The following PKHD1L1 variants were observed in gnomAD, a reference collection of about 807,000 sequenced individuals.
PKHD1L1 encodes PKHD1 like 1, also known as fibrocystin-L.
PKHD1L1 carries 434 observed loss-of-function variants against 462.9 expected under a neutral mutation model. The observed-to-expected ratio is 0.94, with a 90% CI of 0.87 to 1.02. The LOEUF (loss-of-function observed/expected upper bound fraction) is 1.02, where lower values mean the gene tolerates loss of function less well. PKHD1L1 is among the 50% of genes least tolerant of loss of function. The pLI is 0.00. For missense variants in PKHD1L1, 5,202 were observed against 5,096.1 expected, an observed-to-expected ratio of 1.02 and a Z score of -0.63; for synonymous variants, 1,781 against 1,750.0, an observed-to-expected ratio of 1.02 and a Z score of -0.44.
chr8:109,485,957 T>C (rs1818503634), intron 58 of PKHD1L1, among the ~76,000 whole-genome samples: 1 of 152,030 alleles, frequency 6.6e-6, no homozygotes, highest in Non-Finnish European at 1.5e-5. Flanking sequence ...GTAAAACAGT[T>C]GGTTTTTGAA....
chr8:109,445,538 G>T lies in PKHD1L1; in HGVS notation c.5669G>T (p.Gly1890Val). ...TGCCGCACTCCCGCTGGGACCACTGGAATGGTCGATGTTAAAATCTTTGTT... is the reference window on the plus strand; with the variant it reads ...TGCCGCACTCCCGCTGGGACCACTGTAATGGTCGATGTTAAAATCTTTGTT... ...VYCRTPAGTT[G>V]MVDVKIFVNT... Residue 1890 changes from glycine (G) to valine (V), a missense_variant, in exon 38 of 78, where the codon GGA (glycine) becomes GTA (valine). Around this residue, in one of 3 missense-constraint regions of PKHD1L1, gnomAD observed 4,497 missense variants for 4,336.8 expected, o/e 1.04. Transcript: ENST00000378402. 1 of 1,613,254 alleles carries T rather than the reference G, an allele frequency of 6.2e-7. No individual in the cohort carries two copies. Among genetic ancestry groups the T allele is most frequent in the Non-Finnish European group, 8.5e-7 (1 of 1,179,574 alleles).
At position 109,534,663 on chromosome 8, in the gene PKHD1L1, C is replaced by G. The variant is rs1296145077; in HGVS notation, c.*4573C>G. On this transcript the variant is annotated 3_prime_UTR_variant, in exon 78 of 78. Coordinates refer to ENST00000378402, the MANE Select transcript of PKHD1L1 (RefSeq NM_177531.6). ...TTAAGATTTATTCCCCCAATTTCCC[C>G]TCCCCAGAGAGTAGCTACAGACACA... Among the ~76,000 whole-genome samples the G allele has an allele frequency of 1.3e-5, 2 of 152,148 alleles. No individual in the cohort carries two copies. Among genetic ancestry groups the G allele is most frequent in the Non-Finnish European group, 2.9e-5 (2 of 68,024 alleles).
rs1816611277 is a variant in PKHD1L1 at position 109,452,806 on chromosome 8, T to C, written c.6596T>C (p.Val2199Ala). ...CCCCCAGAAGAAGGATCTCTTGTTG[T>C]TATTACAAAAGGACAGACCATTCTG... ...KSPPEEGSLV[V>A]ITKGQTILLD... The change falls in exon 43 of 78, where the codon GTT becomes GCT. Residue 2199 changes from valine to alanine, a missense_variant. Coordinates refer to ENST00000378402, the MANE Select transcript of PKHD1L1 (RefSeq NM_177531.6). 1 of 1,537,376 alleles carries C rather than the reference T, an allele frequency of 6.5e-7. No homozygotes were observed. Among genetic ancestry groups the C allele is most frequent in the East Asian group, 2.4e-5 (1 of 40,894 alleles).
chr8:109,426,598 C>T (rs1242133697), intron 24 of PKHD1L1, among the ~76,000 whole-genome samples: 2 of 152,056 alleles, frequency 1.3e-5, no homozygotes, highest in South Asian at 2.1e-4. Flanking sequence ...AGTGATAATA[C>T]ATAGTACACA....
intron 50 of PKHD1L1, among the ~76,000 whole-genome samples, chr8:109,472,600 A>G (rs970860886): frequency 6.6e-6 from 1 of 152,306 alleles, no homozygotes; most frequent in Admixed American, 6.5e-5. Flanking sequence ...TCAACGCAGG[A>G]CATTGCAAAT....
At chr8:109,396,760 TC>T (rs1222017714) in intron 11 of PKHD1L1, among the ~76,000 whole-genome samples, 2 of 152,176 alleles carry the variant, frequency 1.3e-5, no homozygotes, top group African/African-American at 4.8e-5. Flanking sequence ...GTGGGAATCT[TC>T]CCATTCAGCC....
At chr8:109,452,400 A>G in intron 42 of PKHD1L1, 120 bp downstream of exon 42, 1 of 951,560 alleles carries the variant, frequency 1.1e-6, no homozygotes, top group Non-Finnish European at 1.4e-6. Flanking sequence ...AGCTGTGACC[A>G]TAATAAATCT....
intron 2 of PKHD1L1, among the ~76,000 whole-genome samples, chr8:109,378,913 T>C (rs111460872): frequency 2.4e-4 from 36 of 152,290 alleles, no homozygotes; most frequent in African/African-American, 8.4e-4. Flanking sequence ...GTGTCTCAAC[T>C]TAACTTCCGC....
chr8:109,493,768 A>C lies in PKHD1L1; in HGVS notation c.10327+17A>C, dbSNP rs781636781. The C allele has an allele frequency of 1.3e-6, 2 of 1,526,292 alleles. No homozygotes were observed. The highest frequency in any genetic ancestry group is 3.9e-5 in the Admixed American group (2 of 51,036). 94.5% of individuals were successfully genotyped at this position (1,526,292 alleles called of 1,614,324 possible). Reference sequence around the variant, plus strand: ...CTTGCCCAGGTAAGTCTTTTAAACCAGGAATCGCTAAAACTAGGAAATAAC... The same window carrying C: ...CTTGCCCAGGTAAGTCTTTTAAACCCGGAATCGCTAAAACTAGGAAATAAC... On this transcript the variant is annotated intron_variant, in intron 63 of 77. Transcript: ENST00000378402.
intron 3 of PKHD1L1, among the ~76,000 whole-genome samples, chr8:109,381,931 C>T (rs987227213): frequency 1.3e-5 from 2 of 151,856 alleles, no homozygotes; most frequent in Non-Finnish European, 2.9e-5. Flanking sequence ...TACTATCAGC[C>T]CAAATTCATG....
At chr8:109,489,455 T>C (rs1221120431) in intron 59 of PKHD1L1, among the ~76,000 whole-genome samples, 1 of 152,018 alleles carries the variant, frequency 6.6e-6, no homozygotes, top group Non-Finnish European at 1.5e-5. Context: ...ATGGTACTTA[T>C]GATAAGCTGA....
chr8:109,366,560 T>A (rs779782815), intron 2 of PKHD1L1, among the ~76,000 whole-genome samples: 2 of 152,204 alleles, frequency 1.3e-5, no homozygotes, highest in East Asian at 3.8e-4. Context: ...CAAGACTGCA[T>A]TGTATACCTA....
rs963931766 is a variant in PKHD1L1, at chr8:109,532,631, T to C, written c.*2541T>C. Among the ~76,000 whole-genome samples, 1 of 152,236 alleles carries C rather than the reference T, an allele frequency of 6.6e-6. No individual in the cohort carries two copies. The highest frequency in any genetic ancestry group is 1.5e-5 in the Non-Finnish European group (1 of 68,036). ...ACCTGAAATGTTGGCGAAGTAAATATGTTGTTCCAATTTTGGTCAAAGTAA... is the reference window on the plus strand; with the variant it reads ...ACCTGAAATGTTGGCGAAGTAAATACGTTGTTCCAATTTTGGTCAAAGTAA... On this transcript the variant is annotated 3_prime_UTR_variant, in exon 78 of 78. Coordinates refer to ENST00000378402, the MANE Select transcript of PKHD1L1 (RefSeq NM_177531.6).
chr8:109,386,269 T>C (rs1812439044), intron 6 of PKHD1L1, among the ~76,000 whole-genome samples: 1 of 152,188 alleles, frequency 6.6e-6, no homozygotes, highest in Non-Finnish European at 1.5e-5. Flanking sequence ...TCCTGTAGCA[T>C]AGATGGTGTT....
intron 76 of PKHD1L1, 53 bp downstream of exon 76, chr8:109,523,439 A>G: frequency 6.8e-7 from 1 of 1,469,740 alleles, no homozygotes; most frequent in South Asian, 1.3e-5. Flanking sequence ...AGAGACAATT[A>G]TAATGTTCTT....
rs748757418 is a variant in PKHD1L1 at position 109,405,044 on chromosome 8, A to G, written c.1583A>G (p.Gln528Arg). ...WETTNAINEV[Q>R]KIKVTSPCVE... is the part of the protein sequence containing the mutation. The stretch of plus-strand genomic sequence containing the variant: ...ACAACTAATGCAATTAATGAGGTTC[A>G]GAAGATCAAGGTAACCAGCCCATGT... Residue 528 changes from glutamine to arginine, a missense_variant, in exon 16 of 78, where the codon CAG becomes CGG. By Grantham distance (43) the Gln-to-Arg change is conservative (BLOSUM62 1). This residue lies in a region of PKHD1L1 where 4,497 missense variants were observed against 4,336.8 expected (regional missense o/e 1.04). Coordinates refer to ENST00000378402, the MANE Select transcript of PKHD1L1 (RefSeq NM_177531.6). The G allele has an allele frequency of 1.0e-5, 16 of 1,536,036 alleles. No individual in the cohort carries two copies. Among genetic ancestry groups the G allele is most frequent in the South Asian group, 2.4e-5 (2 of 82,792 alleles).
At chr8:109,397,270 A>G (rs899533146) in intron 11 of PKHD1L1, among the ~76,000 whole-genome samples, 3 of 152,214 alleles carry the variant, frequency 2.0e-5, no homozygotes, top group African/African-American at 4.8e-5. Flanking sequence ...TCTTGAAAAC[A>G]TGATGTTTAT....
intron 54 of PKHD1L1, 25 bp from the exon 55 acceptor site, chr8:109,479,966 T>C (rs755255989): frequency 6.5e-7 from 1 of 1,529,994 alleles, no homozygotes; most frequent in Non-Finnish European, 8.7e-7. Context: ...GATTATGTTA[T>C]ATTTCTTAAA....
chr8:109,493,584 T>C, intron 62 of PKHD1L1, 77 bp from the exon 63 acceptor site: 1 of 819,142 alleles, frequency 1.2e-6, no homozygotes, highest in Non-Finnish European at 1.8e-6. Context: ...ATAAGTGTAT[T>C]GTCATATACT....
Sources: gnomAD v4.1 joint callset for allele counts (sites outside exome capture counted in the v4.1 genomes callset) on GRCh38, gnomAD v4.1.1 for gene constraint, gnomAD v4.1.1 regional missense constraint, MANE v1.5 for transcripts, NCBI Gene and HGNC (gene_info 2026-07-23, HGNC 2026-07-21) for gene names.